The following APLF variants were observed in gnomAD, a reference collection of about 807,000 sequenced individuals.
APLF encodes aprataxin and PNKP like factor, also known as aprataxin and PNK-like factor.
In APLF, 61 loss-of-function variants were observed where a neutral mutation model predicts 55.6. That is an observed-to-expected ratio of 1.10 (90% CI 0.89 to 1.36). The LOEUF is 1.36. Among genes scored for constraint, APLF ranks in the 40% most tolerant of loss-of-function variants. The pLI is 0.00. For missense variants in APLF, 611 were observed against 602.5 expected (o/e 1.01, Z -0.15); for synonymous variants, 207 against 214.8 (o/e 0.96, Z 0.32).
chr2:68,518,171 A>G (rs1325703848), intron 5 of APLF, among the ~76,000 whole-genome samples: 1 of 105,634 alleles, frequency 9.5e-6, no homozygotes, highest in Non-Finnish European at 1.9e-5. Context: ...TAATAGTAAT[A>G]TAATATATTA....
intron 1 of APLF, among the ~76,000 whole-genome samples, chr2:68,489,303 C>T (rs1010799182): frequency 7.9e-5 from 12 of 152,066 alleles, no homozygotes; most frequent in Non-Finnish European, 1.6e-4. Flanking sequence ...GGTCCTTATG[C>T]GGATAATGCC....
At chr2:68,561,533 G>A (rs140604031) in intron 8 of APLF, among the ~76,000 whole-genome samples, 8 of 152,178 alleles carry the variant, frequency 5.3e-5, no homozygotes, top group South Asian at 2.1e-4. Flanking sequence ...CTTACAATGC[G>A]GAGCAGTCTG....
At chr2:68,533,785 C>A (rs6720067) in intron 6 of APLF, among the ~76,000 whole-genome samples, 16 of 152,274 alleles carry the variant, frequency 1.1e-4, no homozygotes, top group African/African-American at 3.9e-4. Context: ...GCTGTTAGAT[C>A]TTTTAAGGCC....
chr2:68,525,343 G>A (rs1318587270), intron 5 of APLF, among the ~76,000 whole-genome samples: 1 of 151,936 alleles, frequency 6.6e-6, no homozygotes, highest in Non-Finnish European at 1.5e-5. Context: ...CACTGTGGAT[G>A]TTAGGGTTTA....
In APLF at chr2:68,571,862, A is replaced by G. The variant is rs539016554; in HGVS notation, c.1333+4475A>G. Among the ~76,000 whole-genome samples, 3 of 152,258 alleles carry G rather than the reference A, an allele frequency of 2.0e-5. No homozygotes were observed. The South Asian group carries it at 6.2e-4, about 32-fold the overall frequency. On this transcript the variant is annotated intron_variant, in intron 9 of 9. Coordinates refer to ENST00000303795, the MANE Select transcript of APLF (RefSeq NM_173545.3). Reference sequence around the variant, plus strand: ...TTTTTTAGCTGCCTCACCTGTTGACAACATTTAAAGGAAATTATCATCAAT... The same window carrying G: ...TTTTTTAGCTGCCTCACCTGTTGACGACATTTAAAGGAAATTATCATCAAT...
At chr2:68,547,124 A>G (rs947545491) in intron 8 of APLF, among the ~76,000 whole-genome samples, 2 of 151,824 alleles carry the variant, frequency 1.3e-5, no homozygotes, top group African/African-American at 4.8e-5. Flanking sequence ...AAAATTTTTT[A>G]AAGATTATAA....
chr2:68,532,794 G>A (rs1670293576), intron 6 of APLF, among the ~76,000 whole-genome samples: 1 of 151,854 alleles, frequency 6.6e-6, no homozygotes, highest in African/African-American at 2.4e-5. Flanking sequence ...GGTTGCCATG[G>A]TTTGAGTGTT....
intron 5 of APLF, among the ~76,000 whole-genome samples, chr2:68,519,095 A>G (rs1007279083): frequency 1.9e-4 from 19 of 102,658 alleles, no homozygotes; most frequent in African/African-American, 7.4e-4. Flanking sequence ...TAATTAATAT[A>G]TAATAATATA....
chr2:68,572,895 A>G (rs958774612), intron 9 of APLF, among the ~76,000 whole-genome samples: 1 of 152,170 alleles, frequency 6.6e-6, no homozygotes, highest in Admixed American at 6.5e-5. Context: ...TCCATGCAAA[A>G]TCAACATTTC....
chr2:68,529,982 G>A lies in APLF; in HGVS notation c.804+3740G>A, dbSNP rs1314601820. Among the ~76,000 whole-genome samples, 1 of 152,234 alleles carries A rather than the reference G, an allele frequency of 6.6e-6. No homozygotes were observed. Among genetic ancestry groups the A allele is most frequent in the Non-Finnish European group, 1.5e-5 (1 of 68,034 alleles). ...AGCCAGGCCCGCCTTCTCCATGGCT[G>A]CTGTGGCCTCAAGGGCCACCAGCCT... On this transcript the variant is annotated intron_variant, in intron 6 of 9. Transcript: ENST00000303795. The surrounding 1 kb of genome is among the most constrained non-coding windows in gnomAD (Gnocchi z 4.4).
At chr2:68,481,349 A>G (rs1675949762) in intron 1 of APLF, among the ~76,000 whole-genome samples, 2 of 136,844 alleles carry the variant, frequency 1.5e-5, no homozygotes, top group South Asian at 5.1e-4. Flanking sequence ...ACTGGGTATC[A>G]TCTGGGCTGG....
chr2:68,536,181 G>C (rs1186753006), intron 6 of APLF, among the ~76,000 whole-genome samples: 1 of 152,112 alleles, frequency 6.6e-6, no homozygotes, highest in Non-Finnish European at 1.5e-5. Flanking sequence ...TGTGCAGCGT[G>C]GGAGCAAAGA....
chr2:68,510,218 A>G (rs1029218517), intron 3 of APLF, among the ~76,000 whole-genome samples: 1 of 151,888 alleles, frequency 6.6e-6, no homozygotes, highest in Admixed American at 6.6e-5. Context: ...AAAGTATAAT[A>G]AAAAAATAAT....
At position 68,528,576 on chromosome 2, in the gene APLF, C is replaced by A. The variant is rs953119570; in HGVS notation, c.804+2334C>A. On this transcript the variant is annotated intron_variant, in intron 6 of 9. Coordinates refer to ENST00000303795, the MANE Select transcript of APLF (RefSeq NM_173545.3). ...GCAGGATCCTTGGGCTGCATGTCCT[C>A]CCCCACCGTCAGCAAGCCTGGAGAG... 2.5e-4 allele frequency: 387 copies of A among 1,533,988 alleles called. 2 individuals carry two copies. Among genetic ancestry groups the A allele is most frequent in the Non-Finnish European group, 2.2e-4 (254 of 1,146,732 alleles).
intron 2 of APLF, among the ~76,000 whole-genome samples, chr2:68,493,901 G>A (rs1330196811): frequency 6.6e-6 from 1 of 152,146 alleles, no homozygotes; most frequent in Non-Finnish European, 1.5e-5. Context: ...GAGGTCAGGA[G>A]ATGGAGACCA....
In APLF at chr2:68,579,271, C is replaced by G. The variant is rs1379301422; in HGVS notation, c.*1249C>G. ...AGAATAAGATAAACATTTCTCTAGA[C>G]TATAACCTATTATTCTGATTTTTAT... On this transcript the variant is annotated 3_prime_UTR_variant, in exon 10 of 10. Transcript: ENST00000303795. The G allele has an allele frequency of 3.6e-6, 3 of 844,172 alleles. No individual in the cohort carries two copies. The highest frequency in any genetic ancestry group is 6.2e-5 in the Admixed American group (1 of 16,036). 52.3% of individuals were successfully genotyped at this position (844,172 alleles called of 1,614,324 possible).
rs1364007232 is a variant in APLF at position 68,529,951 on chromosome 2, G to C, written c.804+3709G>C. Among the ~76,000 whole-genome samples the C allele has an allele frequency of 6.6e-6, 1 of 152,206 alleles. No homozygotes were observed. The highest frequency in any genetic ancestry group is 1.5e-5 in the Non-Finnish European group (1 of 68,020). On this transcript the variant is annotated intron_variant, in intron 6 of 9. Transcript: ENST00000303795. This position sits in a 1 kb window ranked among gnomAD's most constrained non-coding sequence, Gnocchi z 4.4. ...GGGGCCTCTCCAGTGCCTCTGTGCC[G>C]CCTGGAGCCAGGCCCGCCTTCTCCA...
chr2:68,479,319 A>G (rs1675880217), intron 1 of APLF, among the ~76,000 whole-genome samples: 1 of 152,242 alleles, frequency 6.6e-6, no homozygotes, highest in African/African-American at 2.4e-5. Context: ...GAAGCAGTAA[A>G]TTCCTGCTGA....
intron 3 of APLF, among the ~76,000 whole-genome samples, chr2:68,504,903 TAAG>T (rs1314995779): frequency 1.3e-5 from 2 of 152,092 alleles, no homozygotes; most frequent in Non-Finnish European, 2.9e-5. Flanking sequence ...GATTGACTAG[TAAG>T]AAGCTACAAA....
Sources: allele counts gnomAD v4.1 joint callset (sites outside exome capture counted in the v4.1 genomes callset), GRCh38; gene constraint gnomAD v4.1.1; non-coding constraint Gnocchi (gnomAD v3.1); transcripts MANE v1.5; gene names NCBI Gene and HGNC (gene_info 2026-07-23, HGNC 2026-07-21).